Variants in PTPRN2 observed in about 807,000 individuals in gnomAD.
PTPRN2 encodes the protein protein tyrosine phosphatase receptor type N2.
In PTPRN2, 74 loss-of-function variants were observed where a neutral mutation model predicts 118.8. That is an observed-to-expected ratio of 0.62 (90% CI 0.52 to 0.76). The LOEUF is 0.76. Ranked by LOEUF, PTPRN2 falls within the 30% of genes least tolerant of loss-of-function variation. The probability of loss-of-function intolerance (pLI) is 0.00; values close to 1 mark genes in which losing one functional copy is unlikely to be tolerated. For missense variants in PTPRN2, 1,481 were observed against 1,394.4 expected, an observed-to-expected ratio of 1.06 and a Z score of -0.99; for synonymous variants, 641 against 608.0, an observed-to-expected ratio of 1.05 and a Z score of -0.80.
intron 3 of PTPRN2, among the ~76,000 whole-genome samples, chr7:158,262,845 CAT>C (rs1239968254): frequency 1.3e-4 from 19 of 145,386 alleles, no homozygotes; most frequent in Middle Eastern, 4.1e-3. Flanking sequence ...ACTACACACA[CAT>C]ACATACATTC....
intron 3 of PTPRN2, among the ~76,000 whole-genome samples, chr7:158,260,145 T>C (rs1797302424): frequency 6.6e-6 from 1 of 152,204 alleles, no homozygotes; most frequent in Non-Finnish European, 1.5e-5. Context: ...GCAGACAAGA[T>C]GCCTGCTGTC....
At chr7:158,251,828 A>G (rs887456469) in intron 3 of PTPRN2, among the ~76,000 whole-genome samples, 6 of 152,116 alleles carry the variant, frequency 3.9e-5, no homozygotes, top group African/African-American at 1.4e-4. Context: ...ACACACCTTA[A>G]TAAAGCCCAG....
intron 3 of PTPRN2, among the ~76,000 whole-genome samples, chr7:158,206,107 G>A (rs1827122858): frequency 6.6e-6 from 1 of 152,304 alleles, no homozygotes; most frequent in African/African-American, 2.4e-5. Flanking sequence ...GCACAACTAA[G>A]GGTGCTAGTG....
intron 3 of PTPRN2, among the ~76,000 whole-genome samples, chr7:158,285,667 G>T (rs1389895996): frequency 6.6e-6 from 1 of 152,232 alleles, no homozygotes; most frequent in Non-Finnish European, 1.5e-5. Context: ...AAGAGGCCAG[G>T]TGTGAAGAGC....
At chr7:158,332,441 T>A (rs1199483156) in intron 2 of PTPRN2, among the ~76,000 whole-genome samples, 3 of 150,020 alleles carry the variant, frequency 2.0e-5, no homozygotes, top group Admixed American at 6.6e-5. Context: ...CAGACGTCAC[T>A]CACACCCACA....
intron 5 of PTPRN2, among the ~76,000 whole-genome samples, chr7:158,168,633 C>T (rs1012710061): frequency 6.6e-6 from 1 of 152,200 alleles, no homozygotes; most frequent in Non-Finnish European, 1.5e-5. Context: ...TGTGCTGCAG[C>T]AGGGAAGATG....
chr7:158,385,330 G>C (rs951802556), intron 2 of PTPRN2, among the ~76,000 whole-genome samples: 1 of 152,092 alleles, frequency 6.6e-6, no homozygotes, highest in South Asian at 2.1e-4. Context: ...CAATTGAACC[G>C]ATGAAGATGT....
rs1172238788 is a variant in PTPRN2 at position 157,861,255 on chromosome 7, T to G, written c.1788+37418A>C. Reference sequence around the variant, plus strand: ...CTGTACCTTTTACATACGTGAAGTCTATACAATAATGGAACCGAAGCCCTC... The same window carrying G: ...CTGTACCTTTTACATACGTGAAGTCGATACAATAATGGAACCGAAGCCCTC... On this transcript the variant is annotated intron_variant, in intron 12 of 22. Transcript: ENST00000389418. The surrounding 1 kb of genome is among the most constrained non-coding windows in gnomAD (Gnocchi z 5.8). Among the ~76,000 whole-genome samples the G allele has an allele frequency of 2.0e-5, 3 of 152,230 alleles. No individual in the cohort carries two copies. Among genetic ancestry groups the G allele is most frequent in the African/African-American group, 7.2e-5 (3 of 41,460 alleles).
chr7:158,277,640 C>T (rs758506872), intron 3 of PTPRN2, among the ~76,000 whole-genome samples: 19 of 152,210 alleles, frequency 1.2e-4, no homozygotes, highest in African/African-American at 3.1e-4. Context: ...GAGGTGCACA[C>T]GCAGGGGCTG....
At chr7:157,992,040 C>T (rs1422143369) in intron 11 of PTPRN2, among the ~76,000 whole-genome samples, 3 of 152,222 alleles carry the variant, frequency 2.0e-5, no homozygotes, top group Non-Finnish European at 2.9e-5. Flanking sequence ...GCCTGAGTGC[C>T]GGGACTCGGC....
At chr7:157,951,168 A>C (rs1186057661) in intron 11 of PTPRN2, among the ~76,000 whole-genome samples, 1 of 152,182 alleles carries the variant, frequency 6.6e-6, no homozygotes, top group African/African-American at 2.4e-5. Context: ...TCTCAGAGAC[A>C]AGGATGAAAC....
intron 1 of PTPRN2, among the ~76,000 whole-genome samples, chr7:158,531,846 A>C (rs919262414): frequency 2.0e-5 from 3 of 152,218 alleles, no homozygotes; most frequent in Non-Finnish European, 4.4e-5. Flanking sequence ...GCCTCCTCCC[A>C]GCCACGCTGG....
rs1318981614 is a variant in PTPRN2 at position 157,603,613 on chromosome 7, A to G, written c.2418+389T>C. ...GCCTCCAAGCCACTGATTGTTACAAAAAGCGTAGACTGAGGCCTCATGTCC... is the reference window on the plus strand; with the variant it reads ...GCCTCCAAGCCACTGATTGTTACAAGAAGCGTAGACTGAGGCCTCATGTCC... On this transcript the variant is annotated intron_variant, in intron 16 of 22. Coordinates refer to ENST00000389418, the MANE Select transcript of PTPRN2 (RefSeq NM_002847.5). The surrounding 1 kb of genome is among the most constrained non-coding windows in gnomAD (Gnocchi z 5.4). Among the ~76,000 whole-genome samples, 1 of 152,224 alleles carries G rather than the reference A, an allele frequency of 6.6e-6. No individual in the cohort carries two copies. Among genetic ancestry groups the G allele is most frequent in the East Asian group, 1.9e-4 (1 of 5,196 alleles).
rs1823647737 is a variant in PTPRN2 at position 158,517,343 on chromosome 7, T to C, written c.113-27558A>G. Among the ~76,000 whole-genome samples, 1 of 152,144 alleles carries C rather than the reference T, an allele frequency of 6.6e-6. No individual in the cohort carries two copies. The highest frequency in any genetic ancestry group is 2.1e-4 in the South Asian group (1 of 4,830). Reference sequence around the variant, plus strand: ...CACAGAACCGCAGCAACGACACCTATCACCGCCCACCACAGGCGCACTGTG... The same window carrying C: ...CACAGAACCGCAGCAACGACACCTACCACCGCCCACCACAGGCGCACTGTG... On this transcript the variant is annotated intron_variant, in intron 1 of 22. Transcript: ENST00000389418. The surrounding 1 kb of genome is among the most constrained non-coding windows in gnomAD (Gnocchi z 5.3).
intron 3 of PTPRN2, among the ~76,000 whole-genome samples, chr7:158,223,498 C>T (rs73176110): frequency 0.16 from 24,521 of 152,006 alleles, 2,309 homozygotes; most frequent in Non-Finnish European, 0.22. Flanking sequence ...GAATGAAAGG[C>T]TGGTTCACTA....
chr7:158,014,663 A>G (rs2128871401), intron 11 of PTPRN2, among the ~76,000 whole-genome samples: 1 of 150,988 alleles, frequency 6.6e-6, no homozygotes, highest in African/African-American at 2.4e-5. Flanking sequence ...TTCATCATCC[A>G]TCCATCTATT....
intron 11 of PTPRN2, among the ~76,000 whole-genome samples, chr7:157,933,525 T>C (rs1335526428): frequency 2.1e-5 from 3 of 144,954 alleles, no homozygotes; most frequent in Non-Finnish European, 3.0e-5. Flanking sequence ...GAAGGGTGAG[T>C]CACTCTGACA....
intron 1 of PTPRN2, among the ~76,000 whole-genome samples, chr7:158,535,337 C>T (rs1408602294): frequency 1.3e-5 from 2 of 152,178 alleles, no homozygotes; most frequent in South Asian, 2.1e-4. Context: ...TGCGTGAATT[C>T]GGGTAAGTTT....
At chr7:158,416,279 G>A (rs1053685480) in intron 2 of PTPRN2, among the ~76,000 whole-genome samples, 3 of 152,208 alleles carry the variant, frequency 2.0e-5, no homozygotes, top group East Asian at 3.8e-4. Flanking sequence ...GATTGCATCC[G>A]ACTGTCCTCC....
Sources: gnomAD v4.1 joint callset for allele counts (sites outside exome capture counted in the v4.1 genomes callset) on GRCh38, gnomAD v4.1.1 for gene constraint, Gnocchi (gnomAD v3.1) non-coding constraint, MANE v1.5 for transcripts, NCBI Gene and HGNC (gene_info 2026-07-23, HGNC 2026-07-21) for gene names.